Variants in USP42 observed in about 807,000 individuals in gnomAD.
USP42 encodes ubiquitin specific peptidase 42, also known as ubiquitin carboxyl-terminal hydrolase 42.
A neutral mutation model predicts 113.0 loss-of-function variants in USP42; 23 were observed. The ratio of observed to expected loss-of-function variants is 0.20; its 90% CI spans 0.15 to 0.29. The LOEUF is 0.29. Among genes scored for constraint, USP42 ranks in the 10% least tolerant of loss-of-function variants. USP42 has a pLI of 1.00. For synonymous variants in USP42, 933 were observed against 699.0 expected, an observed-to-expected ratio of 1.33 and a Z score of -5.28; for missense variants, 2,174 against 1,779.8, an observed-to-expected ratio of 1.22 and a Z score of -3.99.
At chr7:6,082,601 C>CTTTTTTTTTT in the USP42 span, among the ~76,000 whole-genome samples, 2 of 96,996 alleles carry the variant, frequency 2.1e-5, no homozygotes, top group Non-Finnish European at 2.2e-5. Flanking sequence ...TTCTTTCTTT[C>CTTTTTTTTTT]TGTTTTTTTT....
chr7:6,123,848 AAAAG>A (rs1162904734), intron 3 of USP42, among the ~76,000 whole-genome samples: 1 of 150,600 alleles, frequency 6.6e-6, no homozygotes, highest in Non-Finnish European at 1.5e-5. Context: ...AAAAAAAAAA[AAAAG>A]CCACTCCAGT....
the USP42 span, among the ~76,000 whole-genome samples, chr7:6,099,197 C>T: frequency 1.4e-5 from 2 of 145,930 alleles, no homozygotes; most frequent in South Asian, 4.3e-4. Context: ...GCCTGGAGCC[C>T]CATTGTTCCC....
At chr7:6,152,660 A>G (rs1177499771) in intron 14 of USP42, among the ~76,000 whole-genome samples, 2 of 152,220 alleles carry the variant, frequency 1.3e-5, no homozygotes, top group Non-Finnish European at 2.9e-5. Flanking sequence ...GGCCTCACCT[A>G]GGCCAGGTAG....
chr7:6,135,771 T>G lies in USP42; in HGVS notation c.443-70T>G, dbSNP rs1781107853. ...TTCATTTCAGGTGTGTGCCCCTGATTTGTAATTAGCCTTGATGTGTGTATA... is the reference window on the plus strand; with the variant it reads ...TTCATTTCAGGTGTGTGCCCCTGATGTGTAATTAGCCTTGATGTGTGTATA... On this transcript the variant is annotated intron_variant, in intron 3 of 17. Transcript: ENST00000306177. 5.1e-6 allele frequency: 4 copies of G among 791,928 alleles called. No homozygotes were observed. In the Admixed American group the frequency reaches 1.0e-4, roughly 20 times the overall value. The allele number at this position is 791,928 out of a possible 1,614,324, so 49.1% of individuals were successfully genotyped here.
intron 3 of USP42, among the ~76,000 whole-genome samples, chr7:6,120,801 C>T (rs1378749770): frequency 2.0e-5 from 3 of 152,066 alleles, no homozygotes; most frequent in Non-Finnish European, 4.4e-5. Flanking sequence ...CCAAGCTGGT[C>T]TCGAACTCCT....
chr7:6,154,717 C>T lies in USP42; in HGVS notation c.3163C>T (p.Arg1055Cys), dbSNP rs1425848775. The T allele has an allele frequency of 5.0e-6, 8 of 1,593,582 alleles. No homozygotes were observed. The highest frequency in any genetic ancestry group is 2.3e-5 in the South Asian group (2 of 87,666). ...GREKFYPDRP[R>C]WDRCRYYHDR... ...GGAGAAGTTCTACCCCGACAGGCCG[C>T]GCTGGGACAGGTGCCGGTACTACCA... Residue 1055 changes from arginine to cysteine, a missense_variant, in exon 15 of 18, where the codon CGC becomes TGC. Coordinates refer to ENST00000306177, the MANE Select transcript of USP42 (RefSeq NM_032172.3).
rs761234740 is a variant in USP42, at chr7:6,149,930, A to C, written c.1734A>C (p.Val578=). 14 of 1,613,922 alleles carry C rather than the reference A, an allele frequency of 8.7e-6. No individual in the cohort carries two copies. In the Admixed American group the frequency reaches 1.8e-4, roughly 21 times the overall value. Residue 578 remains valine (V), a synonymous_variant, in exon 13 of 18, where the codon GTA becomes GTC. Coordinates refer to ENST00000306177, the MANE Select transcript of USP42 (RefSeq NM_032172.3). ...NASTMSVSSK[V]TKPIPRSESC... ...CTACGATGTCAGTTTCTAGTAAAGTAACAAAACCGATCCCCCGCAGTGAAT... is the reference window on the plus strand; with the variant it reads ...CTACGATGTCAGTTTCTAGTAAAGTCACAAAACCGATCCCCCGCAGTGAAT...
Position 6,107,193 on chromosome 7 carries a change from A to G in USP42, c.-10+2161A>G, listed in dbSNP as rs183961755. On this transcript the variant is annotated intron_variant, in intron 1 of 17. Transcript: ENST00000306177. ...TGATGACTTGAATTGTGCTTTCGTT[A>G]AATTTTTTTTCACTTAAGAGGCTTT... Among the ~76,000 whole-genome samples the G allele has an allele frequency of 3.3e-5, 5 of 152,252 alleles. No individual in the cohort carries two copies. In the East Asian group the frequency reaches 7.7e-4, roughly 23 times the overall value.
In USP42 at chr7:6,149,823, A is replaced by G. The variant is rs752695512; in HGVS notation, c.1627A>G (p.Ser543Gly). 1.6e-5 allele frequency: 26 copies of G among 1,613,932 alleles called. No individual in the cohort carries two copies. Among genetic ancestry groups the G allele is most frequent in the East Asian group, 8.9e-5 (4 of 44,908 alleles). The change falls in exon 13 of 18, where the codon AGT becomes GGT. Residue 543 changes from serine (S) to glycine (G), a missense_variant. By Grantham distance (56) the Ser-to-Gly change is moderately conservative. Coordinates refer to ENST00000306177, the MANE Select transcript of USP42 (RefSeq NM_032172.3). The stretch of plus-strand genomic sequence containing the variant: ...GTGTCAGTCTCAACCTAACCTTCAT[A>G]GTAATTCTTTGGAGAACCCTACCAA... ...RQCQSQPNLH[S>G]NSLENPTKPV... is the part of the protein sequence containing the mutation.
At chr7:6,156,041 TG>T (rs1391241724) in intron 15 of USP42, among the ~76,000 whole-genome samples, 1 of 152,242 alleles carries the variant, frequency 6.6e-6, no homozygotes, top group Non-Finnish European at 1.5e-5. Flanking sequence ...TCACCTGGCC[TG>T]TTTTTGTATT....
intron 3 of USP42, among the ~76,000 whole-genome samples, chr7:6,134,796 G>C (rs1042474354): frequency 1.3e-5 from 2 of 151,954 alleles, no homozygotes; most frequent in African/African-American, 4.8e-5. Flanking sequence ...TTCTTTCTTT[G>C]TTTTTTTGAG....
chr7:6,117,525 T>A (rs1779977431), intron 3 of USP42, among the ~76,000 whole-genome samples: 2 of 152,234 alleles, frequency 1.3e-5, no homozygotes, highest in South Asian at 4.1e-4. Context: ...AAGCCTTTGT[T>A]AGGACATGTT....
chr7:6,152,746 C>T (rs991913770), intron 14 of USP42, among the ~76,000 whole-genome samples: 1 of 152,292 alleles, frequency 6.6e-6, no homozygotes, highest in African/African-American at 2.4e-5. Flanking sequence ...GAGGATATAT[C>T]GAAAGCTCTG....
At chr7:6,146,550 T>C (rs531535888) in intron 11 of USP42, among the ~76,000 whole-genome samples, 106 of 152,084 alleles carry the variant, frequency 7.0e-4, no homozygotes, top group Non-Finnish European at 1.3e-3. Flanking sequence ...TGTGGTCTTA[T>C]CTGCTCCGAA....
At chr7:6,093,521 G>A in the USP42 span, among the ~76,000 whole-genome samples, 1 of 150,710 alleles carries the variant, frequency 6.6e-6, no homozygotes, top group African/African-American at 2.5e-5. Context: ...GATCTCAAGC[G>A]ATTCTCCCGC....
At chr7:6,104,261 T>C (rs764524642), upstream of USP42, among the ~76,000 whole-genome samples, 10 of 151,242 alleles carry the variant, frequency 6.6e-5, no homozygotes, top group South Asian at 2.1e-4. Context: ...TTTTTGTATC[T>C]TTAGTAGAGA....
At chr7:6,155,272 C>A in intron 15 of USP42, 77 bp downstream of exon 15, 1 of 1,443,728 alleles carries the variant, frequency 6.9e-7, no homozygotes, top group Non-Finnish European at 9.0e-7. Context: ...TCACTCGACT[C>A]AGGAACAAGT....
chr7:6,142,792 G>A (rs2128507130), intron 7 of USP42, 140 bp from the exon 8 acceptor site: 1 of 692,526 alleles, frequency 1.4e-6, no homozygotes, highest in Admixed American at 2.4e-5. Context: ...GCTGAGGTGA[G>A]AGGATTGCTT....
chr7:6,148,716 C>G (rs1292270634), intron 12 of USP42, among the ~76,000 whole-genome samples: 1 of 152,122 alleles, frequency 6.6e-6, no homozygotes, highest in African/African-American at 2.4e-5. Flanking sequence ...AGCTTTTCGA[C>G]TTGAGTTTGT....
Sources: gnomAD v4.1 joint callset for allele counts (sites outside exome capture counted in the v4.1 genomes callset) on GRCh38, gnomAD v4.1.1 for gene constraint, MANE v1.5 for transcripts, NCBI Gene and HGNC (gene_info 2026-07-23, HGNC 2026-07-21) for gene names.